Variants in FNBP1L observed in about 807,000 individuals in gnomAD.
FNBP1L encodes the protein formin binding protein 1 like.
A neutral mutation model predicts 91.2 loss-of-function variants in FNBP1L; 36 were observed. The ratio of observed to expected loss-of-function variants is 0.39; its 90% CI spans 0.30 to 0.52. The LOEUF is 0.52. Among genes scored for constraint, FNBP1L ranks in the 20% least tolerant of loss-of-function variants. The pLI, the probability that FNBP1L is intolerant of heterozygous loss-of-function variation, is 0.66. For synonymous variants in FNBP1L, 242 were observed against 237.0 expected (o/e 1.02, Z -0.19); for missense variants, 571 against 732.1 (o/e 0.78, Z 2.54).
intron 1 of FNBP1L, among the ~76,000 whole-genome samples, chr1:93,456,600 A>G (rs1320349431): frequency 7.5e-6 from 1 of 133,730 alleles, no homozygotes; most frequent in Non-Finnish European, 1.6e-5. Flanking sequence ...CCCCTTCTCT[A>G]CCAAAAAAAA....
chr1:93,458,335 GC>G (rs1386739154), intron 1 of FNBP1L, among the ~76,000 whole-genome samples: 4 of 151,952 alleles, frequency 2.6e-5, no homozygotes, highest in Non-Finnish European at 5.9e-5. Flanking sequence ...TTACTGTGTT[GC>G]CCATGCTGGT....
intron 5 of FNBP1L, among the ~76,000 whole-genome samples, chr1:93,528,350 C>G (rs1671557557): frequency 1.3e-5 from 2 of 152,198 alleles, no homozygotes; most frequent in African/African-American, 4.8e-5. Context: ...TACAATGGGT[C>G]AGGAATCAGA....
At chr1:93,485,448 CTATGTATTG>C (rs1174457233) in intron 1 of FNBP1L, among the ~76,000 whole-genome samples, 1 of 151,976 alleles carries the variant, frequency 6.6e-6, no homozygotes. Flanking sequence ...GACATAAAAC[CTATGTATTG>C]TATGAAGTTC....
intron 1 of FNBP1L, among the ~76,000 whole-genome samples, chr1:93,479,297 G>A (rs1669608610): frequency 6.6e-6 from 1 of 152,230 alleles, no homozygotes; most frequent in East Asian, 1.9e-4. Context: ...AAGATCACAT[G>A]CTTCTGAGGA....
Position 93,530,808 on chromosome 1 carries a change from A to C in FNBP1L, c.564A>C (p.Glu188Asp), listed in dbSNP as rs1671648524. 6.3e-7 allele frequency: 1 copy of C among 1,578,514 alleles called. No individual in the cohort carries two copies. The highest frequency in any genetic ancestry group is 2.3e-5 in the East Asian group (1 of 43,804). ...ATATGGCCGATGAAAATAAAAATGAATATGCTGCACAATTACAAAACTTTA... is the reference window on the plus strand; with the variant it reads ...ATATGGCCGATGAAAATAAAAATGACTATGCTGCACAATTACAAAACTTTA... ...RTHMADENKN[E>D]YAAQLQNFNG... Residue 188 changes from glutamate (E) to aspartate (D), a missense_variant, in exon 7 of 17, where the codon GAA (glutamate) becomes GAC (aspartate). Glu to Asp is a conservative substitution (Grantham distance 45). Coordinates refer to ENST00000271234, the MANE Select transcript of FNBP1L (RefSeq NM_001164473.3).
At chr1:93,472,062 C>T (rs902678926) in intron 1 of FNBP1L, among the ~76,000 whole-genome samples, 2 of 152,152 alleles carry the variant, frequency 1.3e-5, no homozygotes, top group Non-Finnish European at 2.9e-5. Context: ...GCAGTAACAA[C>T]CATACTCCCT....
intron 2 of FNBP1L, among the ~76,000 whole-genome samples, chr1:93,499,872 G>A (rs927592263): frequency 3.3e-5 from 5 of 152,066 alleles, no homozygotes; most frequent in African/African-American, 1.2e-4. Flanking sequence ...GTTATTCTGT[G>A]TTTTATACTT....
Position 93,530,925 on chromosome 1 carries a change from G to A in FNBP1L, c.639+42G>A, listed in dbSNP as rs1052738974. The A allele has an allele frequency of 2.8e-6, 4 of 1,440,400 alleles. No homozygotes were observed. In the African/African-American group the frequency reaches 5.8e-5, roughly 21 times the overall value. The allele number at this position is 1,440,400 out of a possible 1,614,324, so 89.2% of individuals were successfully genotyped here. On this transcript the variant is annotated intron_variant, in intron 7 of 16. Coordinates refer to ENST00000271234, the MANE Select transcript of FNBP1L (RefSeq NM_001164473.3). ...AAGTTAATCTAGTTTTAGATTAACT[G>A]GTGTTTAAATATAAAACTTGTAAGT...
chr1:93,542,776 C>CTTTT (rs34922906), intron 11 of FNBP1L, among the ~76,000 whole-genome samples: 3 of 125,588 alleles, frequency 2.4e-5, no homozygotes. Flanking sequence ...TTTTCTTTAC[C>CTTTT]TTTTTTTTTT....
At chr1:93,531,069 G>A (rs965647573) in intron 7 of FNBP1L, among the ~76,000 whole-genome samples, 186 bp downstream of exon 7, 4 of 152,014 alleles carry the variant, frequency 2.6e-5, no homozygotes, top group Non-Finnish European at 5.9e-5. Context: ...ATTTTCCTAC[G>A]TATCTACTAT....
intron 10 of FNBP1L, 116 bp from the exon 11 acceptor site, chr1:93,540,926 G>A: frequency 1.3e-6 from 1 of 795,882 alleles, no homozygotes; most frequent in Non-Finnish European, 1.8e-6. Flanking sequence ...TTTGGATTGT[G>A]AAATGTACGT....
At chr1:93,535,293 T>C (rs903277176) in intron 9 of FNBP1L, among the ~76,000 whole-genome samples, 1 of 152,152 alleles carries the variant, frequency 6.6e-6, no homozygotes, top group African/African-American at 2.4e-5. Flanking sequence ...TTAGGTTTTA[T>C]AGATCCTACT....
intron 3 of FNBP1L, 142 bp from the exon 4 acceptor site, chr1:93,523,202 A>G (rs1001909628): frequency 1.4e-4 from 98 of 724,410 alleles, no homozygotes; most frequent in Non-Finnish European, 1.7e-4. Flanking sequence ...ATTTTTTTCC[A>G]TATGAAGTTA....
intron 1 of FNBP1L, among the ~76,000 whole-genome samples, chr1:93,473,421 T>C (rs1669374824): frequency 6.6e-6 from 1 of 152,224 alleles, no homozygotes; most frequent in Non-Finnish European, 1.5e-5. Context: ...AGGTTAACTT[T>C]TGTCATGTAA....
intron 1 of FNBP1L, among the ~76,000 whole-genome samples, chr1:93,448,570 C>T (rs1286680084): frequency 3.9e-5 from 6 of 152,118 alleles, no homozygotes; most frequent in Non-Finnish European, 7.4e-5. Flanking sequence ...GAGCAGCCCG[C>T]GGGCTCCTGC....
chr1:93,522,030 T>C lies in FNBP1L; in HGVS notation c.141-52T>C, dbSNP rs536029529. On this transcript the variant is annotated intron_variant, in intron 2 of 16. Coordinates refer to ENST00000271234, the MANE Select transcript of FNBP1L (RefSeq NM_001164473.3). ...AATTGAAAACTTAGACTATTTCAAT[T>C]GTAACAATAGTTGAAATTTTTAATA... 1.7e-4 allele frequency: 204 copies of C among 1,178,226 alleles called. No individual in the cohort carries two copies. The African/African-American group carries it at 3.0e-3, about 17-fold the overall frequency. 73.0% of individuals were successfully genotyped at this position (1,178,226 alleles called of 1,614,324 possible).
rs370762697 is a variant in FNBP1L, at chr1:93,551,043, A to G, written c.1748A>G (p.Asn583Ser). The change falls in exon 16 of 17, where the codon AAC (asparagine) becomes AGC (serine). Residue 583 changes from asparagine (N) to serine (S), a missense_variant. Physicochemically the swap from Asn to Ser is conservative, Grantham distance 46. Coordinates refer to ENST00000271234, the MANE Select transcript of FNBP1L (RefSeq NM_001164473.3). ...GGATGGACAAGAGCTCGGAGACAGA[A>G]CGGTGAAGAAGGCTACGTTCCCACG... ...GDGWTRARRQ[N>S]GEEGYVPTSY... The G allele has an allele frequency of 5.0e-6, 8 of 1,613,054 alleles. No homozygotes were observed. The highest frequency in any genetic ancestry group is 6.8e-6 in the Non-Finnish European group (8 of 1,179,370).
At chr1:93,538,112 A>AATAGTCATATTTTACACTATATAGTC (rs1341106430) in intron 10 of FNBP1L, among the ~76,000 whole-genome samples, 37 of 152,238 alleles carry the variant, frequency 2.4e-4, no homozygotes, top group African/African-American at 7.9e-4. Context: ...GCCCAGTTAA[A>AATAGTCATATTTTACACTATATAGTC]ATAGTCATAT....
intron 2 of FNBP1L, among the ~76,000 whole-genome samples, chr1:93,504,868 C>T (rs1387716586): frequency 6.6e-6 from 1 of 152,088 alleles, no homozygotes; most frequent in Non-Finnish European, 1.5e-5. Flanking sequence ...CATTCTTTCT[C>T]CCATTCTATA....
Sources: gnomAD v4.1 joint callset for allele counts (sites outside exome capture counted in the v4.1 genomes callset) on GRCh38, gnomAD v4.1.1 for gene constraint, MANE v1.5 for transcripts, NCBI Gene and HGNC (gene_info 2026-07-23, HGNC 2026-07-21) for gene names.